The following GALNT14 variants were observed in gnomAD, a reference collection of about 807,000 sequenced individuals.
GALNT14 encodes polypeptide N-acetylgalactosaminyltransferase 14, also known as UDP-GalNAc:polypeptide N-acetylgalactosaminyltransferase 14.
Under a neutral mutation model 77.5 loss-of-function variants are expected in GALNT14, and 60 were observed. The observed-to-expected ratio is 0.77, with a 90% CI of 0.63 to 0.96. The LOEUF is 0.96. Ranked by LOEUF, GALNT14 falls within the 40% of genes least tolerant of loss-of-function variation. The pLI, the probability that GALNT14 is intolerant of heterozygous loss-of-function variation, is 0.00. For synonymous variants in GALNT14, 280 were observed against 281.7 expected, an observed-to-expected ratio of 0.99 and a Z score of 0.06; for missense variants, 710 against 731.0, an observed-to-expected ratio of 0.97 and a Z score of 0.33.
At chr2:30,898,961 T>G in the GALNT14 span, among the ~76,000 whole-genome samples, 4 of 152,290 alleles carry the variant, frequency 2.6e-5, no homozygotes, top group African/African-American at 9.6e-5. Context: ...GGGCGCTATT[T>G]TCTTGCTGTA....
the GALNT14 span, among the ~76,000 whole-genome samples, chr2:30,886,936 G>T: frequency 6.6e-6 from 1 of 152,198 alleles, no homozygotes; most frequent in African/African-American, 2.4e-5. Context: ...GCAACTGCCA[G>T]TTTGCCTTCT....
intron 1 of GALNT14, among the ~76,000 whole-genome samples, chr2:31,091,796 C>A (rs1441742589): frequency 6.6e-6 from 1 of 152,064 alleles, no homozygotes; most frequent in Non-Finnish European, 1.5e-5. Context: ...TGTCAGTCAA[C>A]CTGATTGGAT....
At chr2:31,127,120 C>A (rs1421430638) in intron 1 of GALNT14, among the ~76,000 whole-genome samples, 1 of 152,164 alleles carries the variant, frequency 6.6e-6, no homozygotes, top group Admixed American at 6.5e-5. Flanking sequence ...GGTGAACGCA[C>A]CTGTGTAACC....
intron 6 of GALNT14, among the ~76,000 whole-genome samples, chr2:30,953,566 C>T (rs1208405961): frequency 6.6e-6 from 1 of 152,138 alleles, no homozygotes; most frequent in African/African-American, 2.4e-5. Flanking sequence ...CCTTGGCCTC[C>T]CAAAGTGCTG....
At chr2:31,021,249 C>T (rs935438230) in intron 1 of GALNT14, among the ~76,000 whole-genome samples, 1 of 152,162 alleles carries the variant, frequency 6.6e-6, no homozygotes, top group Non-Finnish European at 1.5e-5. Context: ...CTAGGGTCTT[C>T]TCCCTCAGAC....
chr2:30,984,672 C>G (rs1669187622), intron 2 of GALNT14, among the ~76,000 whole-genome samples: 1 of 152,142 alleles, frequency 6.6e-6, no homozygotes, highest in Non-Finnish European at 1.5e-5. Context: ...ATGCTCTTCC[C>G]TCAACTTGAA....
chr2:31,112,348 C>G (rs372120582), intron 1 of GALNT14, among the ~76,000 whole-genome samples: 2 of 152,342 alleles, frequency 1.3e-5, no homozygotes, highest in African/African-American at 4.8e-5. Context: ...ATAGCATTTA[C>G]TGACCTCGTA....
intron 13 of GALNT14, among the ~76,000 whole-genome samples, chr2:30,914,830 G>A (rs1664580525): frequency 6.6e-6 from 1 of 152,190 alleles, no homozygotes. Flanking sequence ...GGGGGATTCT[G>A]AAGTCCTAAA....
chr2:31,091,163 C>G (rs567750536), intron 1 of GALNT14, among the ~76,000 whole-genome samples: 2 of 152,092 alleles, frequency 1.3e-5, no homozygotes, highest in South Asian at 4.2e-4. Flanking sequence ...GGCCTGAGGC[C>G]CAAATCCTAC....
rs552139562 is a variant in GALNT14, at chr2:31,036,175, T to C, written c.130-43168A>G. Among the ~76,000 whole-genome samples, 17 of 152,346 alleles carry C rather than the reference T, an allele frequency of 1.1e-4. 1 individual carries two copies. In the South Asian group the frequency reaches 3.5e-3, roughly 32 times the overall value. On this transcript the variant is annotated intron_variant, in intron 1 of 14. Coordinates refer to ENST00000349752, the MANE Select transcript of GALNT14 (RefSeq NM_024572.4). ...TAGGATTTATCTCTGTCATTTTGCT[T>C]TAGGTTTCTGTATGCCTTATGTCTT...
intron 2 of GALNT14, among the ~76,000 whole-genome samples, chr2:30,974,854 T>C (rs1668546539): frequency 6.6e-6 from 1 of 152,218 alleles, no homozygotes; most frequent in African/African-American, 2.4e-5. Context: ...TGACTAAACA[T>C]ACTAGACATA....
At chr2:31,084,564 GA>G in intron 1 of GALNT14, among the ~76,000 whole-genome samples, 1 of 152,164 alleles carries the variant, frequency 6.6e-6, no homozygotes. Context: ...TATATTCTTG[GA>G]AACACTGCTA....
intron 13 of GALNT14, among the ~76,000 whole-genome samples, chr2:30,919,395 G>A (rs1479860961): frequency 6.6e-6 from 1 of 152,206 alleles, no homozygotes; most frequent in East Asian, 1.9e-4. Context: ...AGCATCGGGA[G>A]CCAGTGTCAG....
At chr2:31,081,805 A>T (rs1676170641) in intron 1 of GALNT14, among the ~76,000 whole-genome samples, 1 of 152,182 alleles carries the variant, frequency 6.6e-6, no homozygotes, top group African/African-American at 2.4e-5. Flanking sequence ...TTATATCAAA[A>T]ATGAATGCAG....
At position 31,062,968 on chromosome 2, in the gene GALNT14, T is replaced by G. The variant is rs1674699245; in HGVS notation, c.130-69961A>C. ...CTTGTAGATTCTGGATATTAGACCT[T>G]TGTCAGATGGATAGATTGAAAAAAT... On this transcript the variant is annotated intron_variant, in intron 1 of 14. Coordinates refer to ENST00000349752, the MANE Select transcript of GALNT14 (RefSeq NM_024572.4). Among the ~76,000 whole-genome samples, 2 of 152,364 alleles carry G rather than the reference T, an allele frequency of 1.3e-5. 1 individual carries two copies. Among genetic ancestry groups the G allele is most frequent in the Admixed American group, 1.3e-4 (2 of 15,312 alleles).
chr2:31,050,833 C>G, intron 1 of GALNT14, among the ~76,000 whole-genome samples: 1 of 148,480 alleles, frequency 6.7e-6, no homozygotes, highest in Non-Finnish European at 1.5e-5. Flanking sequence ...TTCTCCATGA[C>G]AGCTGTTGGC....
intron 9 of GALNT14, among the ~76,000 whole-genome samples, chr2:30,941,279 G>T (rs1458510125): frequency 6.6e-6 from 1 of 152,158 alleles, no homozygotes; most frequent in Admixed American, 6.5e-5. Flanking sequence ...CCTCCTACCT[G>T]GCAGCCACTA....
chr2:31,055,622 G>C (rs547898579), intron 1 of GALNT14, among the ~76,000 whole-genome samples: 1 of 152,308 alleles, frequency 6.6e-6, no homozygotes, highest in South Asian at 2.1e-4. Flanking sequence ...CCTGTTATAA[G>C]GAGAGGGCTT....
At chr2:31,137,466 G>A (rs1679274298) in intron 1 of GALNT14, among the ~76,000 whole-genome samples, 1 of 152,190 alleles carries the variant, frequency 6.6e-6, no homozygotes, top group African/African-American at 2.4e-5. Context: ...CGCCCGGGAG[G>A]CTGCAAGGCG....
Sources: allele counts gnomAD v4.1 joint callset (sites outside exome capture counted in the v4.1 genomes callset), GRCh38; gene constraint gnomAD v4.1.1; transcripts MANE v1.5; gene names NCBI Gene and HGNC (gene_info 2026-07-23, HGNC 2026-07-21).